Variants in STOX2 observed in about 807,000 individuals in gnomAD.
STOX2 encodes the protein storkhead-box protein 2.
In STOX2, 28 loss-of-function variants were observed where a neutral mutation model predicts 60.9. The ratio of observed to expected loss-of-function variants is 0.46; its 90% CI spans 0.34 to 0.63. The LOEUF (loss-of-function observed/expected upper bound fraction) is 0.63. Among genes scored for constraint, STOX2 ranks in the 30% least tolerant of loss-of-function variants. The pLI, the probability that STOX2 is intolerant of heterozygous loss-of-function variation, is 0.01. For missense variants in STOX2, 1,024 were observed against 1,187.7 expected, an observed-to-expected ratio of 0.86 and a Z score of 2.03; for synonymous variants, 472 against 463.9, an observed-to-expected ratio of 1.02 and a Z score of -0.22.
In STOX2 at chr4:183,906,805, G is replaced by C; in HGVS notation, c.15G>C (p.Arg5=). The C allele has an allele frequency of 6.4e-7, 1 of 1,555,522 alleles. No homozygotes were observed. Among genetic ancestry groups the C allele is most frequent in the Non-Finnish European group, 8.7e-7 (1 of 1,149,660 alleles). MKKT[R]STTLRRAWPS... The stretch of plus-strand genomic sequence containing the variant: ...CCCTCCCCACCATGAAGAAGACCCG[G>C]AGCACAACCTTGCGGCGAGCCTGGC... Residue 5 remains arginine, a synonymous_variant, in exon 1 of 4, where the codon CGG becomes CGC. Transcript: ENST00000308497.
intron 1 of STOX2, among the ~76,000 whole-genome samples, chr4:183,818,693 C>T (rs372096676): frequency 9.3e-5 from 14 of 149,958 alleles, no homozygotes; most frequent in East Asian, 6.0e-4. Context: ...CGCCCCCCAC[C>T]TCCCGGACGG....
intron 1 of STOX2, among the ~76,000 whole-genome samples, chr4:183,943,056 C>A (rs964431546): frequency 1.3e-5 from 2 of 152,218 alleles, no homozygotes; most frequent in South Asian, 4.2e-4. Context: ...AGAAAAGAAA[C>A]CTTGAGATTC....
chr4:183,978,829 C>A (rs1732542241), intron 1 of STOX2, among the ~76,000 whole-genome samples: 1 of 152,064 alleles, frequency 6.6e-6, no homozygotes, highest in South Asian at 2.1e-4. Flanking sequence ...TGAAGCAGTT[C>A]TTTGGGGTGA....
intron 1 of STOX2, among the ~76,000 whole-genome samples, chr4:183,876,225 G>A (rs1426576868): frequency 6.6e-6 from 1 of 152,164 alleles, no homozygotes; most frequent in Non-Finnish European, 1.5e-5. Flanking sequence ...AACTTCAAGG[G>A]GCGACTCCCA....
chr4:184,011,529 A>G lies in STOX2; in HGVS notation c.2585+106A>G, dbSNP rs1734174123. The G allele has an allele frequency of 1.3e-6, 2 of 1,568,380 alleles. No homozygotes were observed. The highest frequency in any genetic ancestry group is 3.8e-5 in the Admixed American group (2 of 52,736). Reference sequence around the variant, plus strand: ...TTTCGTAGTCTCAGTTCTATGGATGAGGGTTAAGAGTTGTATGAGTTGTAT... The same window carrying G: ...TTTCGTAGTCTCAGTTCTATGGATGGGGGTTAAGAGTTGTATGAGTTGTAT... On this transcript the variant is annotated intron_variant, in intron 3 of 3. Transcript: ENST00000308497. The surrounding 1 kb of genome is among the most constrained non-coding windows in gnomAD (Gnocchi z 4.4).
intron 1 of STOX2, among the ~76,000 whole-genome samples, chr4:183,819,417 C>T (rs572729285): frequency 3.9e-5 from 6 of 152,032 alleles, no homozygotes; most frequent in East Asian, 3.9e-4. Context: ...TGGCGGCGCG[C>T]GCCCACAATC....
chr4:183,862,325 G>A (rs1740468164), intron 1 of STOX2, among the ~76,000 whole-genome samples: 1 of 152,124 alleles, frequency 6.6e-6, no homozygotes, highest in African/African-American at 2.4e-5. Flanking sequence ...ACAGGCACAT[G>A]CCATCACCCC....
intron 1 of STOX2, among the ~76,000 whole-genome samples, chr4:183,980,335 G>A (rs895843962): frequency 1.3e-5 from 2 of 152,196 alleles, no homozygotes; most frequent in Non-Finnish European, 2.9e-5. Flanking sequence ...TTACTTTTAA[G>A]CCAGCGAATA....
At chr4:183,987,918 T>G (rs1298231737) in intron 1 of STOX2, 1 of 152,240 alleles carries the variant, frequency 6.6e-6, no homozygotes, top group East Asian at 1.9e-4. Context: ...GGCAGGTCTC[T>G]AATTACGGAC....
chr4:183,850,461 G>C (rs1189285551), intron 1 of STOX2, among the ~76,000 whole-genome samples: 1 of 151,946 alleles, frequency 6.6e-6, no homozygotes, highest in African/African-American at 2.4e-5. Context: ...GGGCATGGTG[G>C]CTCACACCTG....
chr4:183,827,619 C>T (rs767481064), intron 1 of STOX2, among the ~76,000 whole-genome samples: 17 of 152,202 alleles, frequency 1.1e-4, no homozygotes, highest in Non-Finnish European at 2.1e-4. Context: ...CCTCTATCTT[C>T]ACTTTGGGTT....
intron 1 of STOX2, among the ~76,000 whole-genome samples, chr4:183,820,378 A>G (rs1174143715): frequency 6.6e-6 from 1 of 151,952 alleles, no homozygotes; most frequent in East Asian, 1.9e-4. Context: ...TTCCTCTCCT[A>G]TTGCCGCTTC....
intron 1 of STOX2, among the ~76,000 whole-genome samples, chr4:183,980,669 G>T (rs189330007): frequency 6.7e-6 from 1 of 150,364 alleles, no homozygotes; most frequent in Non-Finnish European, 1.5e-5. Flanking sequence ...GACTTAGTTT[G>T]GAGCGAATTT....
chr4:183,942,478 G>A (rs1285358861), intron 1 of STOX2, among the ~76,000 whole-genome samples: 1 of 151,660 alleles, frequency 6.6e-6, no homozygotes, highest in East Asian at 1.9e-4. Flanking sequence ...ATCACTAAGA[G>A]GCTTCTGATT....
At chr4:183,798,124 G>C in intron 1 of STOX2, 13 of 1,209,732 alleles carry the variant, frequency 1.1e-5, no homozygotes, top group Non-Finnish European at 1.3e-5. Flanking sequence ...TGCGGTCGCG[G>C]GTGCCCCGCC....
chr4:184,009,511 C>G lies in STOX2; in HGVS notation c.673C>G (p.Pro225Ala). ...GAAGTCTGCCAAGGACTGCAAAGAC[C>G]CTTACTGTCCCCCTTCTCTGTGCCA... ...QRKSAKDCKDPYCPPSLCQVP... is the reference protein window; with the variant it reads ...QRKSAKDCKDAYCPPSLCQVP... Residue 225 changes from proline (P) to alanine (A), a missense_variant, in exon 3 of 4, where the codon CCT becomes GCT. Physicochemically the swap from Pro to Ala is conservative, Grantham distance 27. Around this residue, in one of 3 missense-constraint regions of STOX2, gnomAD observed 922 missense variants for 1,058.3 expected, o/e 0.87. Transcript: ENST00000308497. The surrounding 1 kb of genome is among the most constrained non-coding windows in gnomAD (Gnocchi z 4.0). 1 of 1,614,032 alleles carries G rather than the reference C, an allele frequency of 6.2e-7. No homozygotes were observed. The highest frequency in any genetic ancestry group is 8.5e-7 in the Non-Finnish European group (1 of 1,179,898).
intron 1 of STOX2, among the ~76,000 whole-genome samples, chr4:183,828,177 G>C (rs181667812): frequency 3.9e-5 from 6 of 152,208 alleles, no homozygotes; most frequent in Non-Finnish European, 7.3e-5. Flanking sequence ...ATGTTTGCAA[G>C]GCACGGTTTG....
At chr4:183,980,401 G>A (rs1332518408) in intron 1 of STOX2, among the ~76,000 whole-genome samples, 2 of 152,192 alleles carry the variant, frequency 1.3e-5, no homozygotes, top group Non-Finnish European at 2.9e-5. Flanking sequence ...GAACACAACA[G>A]TCCGGATACT....
In STOX2 at chr4:184,010,755, T is replaced by A; in HGVS notation, c.1917T>A (p.Ser639=). Residue 639 remains serine, a synonymous_variant, in exon 3 of 4, where the codon TCT becomes TCA. Transcript: ENST00000308497. This position sits in a 1 kb window ranked among gnomAD's most constrained non-coding sequence, Gnocchi z 4.5. ...LAEGVKKLSP[S]DRQVPHSSRE... ...AAGGGGTGAAAAAGCTCTCCCCTTC[T>A]GATAGGCAGGTCCCCCACTCCTCCA... 6.3e-7 allele frequency: 1 copy of A among 1,585,656 alleles called. No individual in the cohort carries two copies. Among genetic ancestry groups the A allele is most frequent in the Non-Finnish European group, 8.6e-7 (1 of 1,166,404 alleles).
Sources: gnomAD v4.1 joint callset for allele counts (sites outside exome capture counted in the v4.1 genomes callset) on GRCh38, gnomAD v4.1.1 for gene constraint, gnomAD v4.1.1 regional missense constraint, Gnocchi (gnomAD v3.1) non-coding constraint, MANE v1.5 for transcripts, NCBI Gene and HGNC (gene_info 2026-07-23, HGNC 2026-07-21) for gene names.